The following MYO16 variants were observed in gnomAD, a reference collection of about 807,000 sequenced individuals.
MYO16 encodes myosin XVI, also known as unconventional myosin-XVI.
Under a neutral mutation model 205.3 loss-of-function variants are expected in MYO16, and 94 were observed. The ratio of observed to expected loss-of-function variants is 0.46; its 90% CI spans 0.39 to 0.54. MYO16 has a LOEUF of 0.54. Ranked by LOEUF, MYO16 falls within the 20% of genes least tolerant of loss-of-function variation. The pLI is 0.00. For synonymous variants in MYO16, 988 were observed against 954.0 expected, an observed-to-expected ratio of 1.04 and a Z score of -0.66; for missense variants, 2,315 against 2,387.5, an observed-to-expected ratio of 0.97 and a Z score of 0.63.
At chr13:109,102,217 G>C (rs1192985547) in intron 28 of MYO16, among the ~76,000 whole-genome samples, 2 of 152,098 alleles carry the variant, frequency 1.3e-5, no homozygotes, top group Non-Finnish European at 2.9e-5. Context: ...AAAAGGGAAG[G>C]AGGAAGAAGG....
intron 21 of MYO16, among the ~76,000 whole-genome samples, chr13:108,999,021 G>A (rs1416717632): frequency 6.6e-6 from 1 of 152,142 alleles, no homozygotes; most frequent in Admixed American, 6.5e-5. Flanking sequence ...GGTTCAGAGA[G>A]GTGGGTAAAT....
In MYO16 at chr13:109,207,585, A is replaced by G. The variant is rs1304552560; in HGVS notation, c.*749A>G. ...TTTCCTATGCCCTGTATTTCTGGAT[A>G]AGTGGATTGTGTACCCTTTAGTTAA... On this transcript the variant is annotated 3_prime_UTR_variant, in exon 35 of 35. Transcript: ENST00000457511. The G allele has an allele frequency of 6.6e-6, 1 of 152,196 alleles. No homozygotes were observed. The highest frequency in any genetic ancestry group is 2.4e-5 in the African/African-American group (1 of 41,450). 9.4% of individuals were successfully genotyped at this position (152,196 alleles called of 1,614,324 possible).
the MYO16 span, among the ~76,000 whole-genome samples, chr13:108,537,358 T>C: frequency 1.3e-5 from 2 of 152,176 alleles, no homozygotes; most frequent in Non-Finnish European, 2.9e-5. Flanking sequence ...TGCATAGTAT[T>C]CCATGATGTA....
In MYO16 at chr13:108,951,751, C is replaced by T. The variant is rs538109307; in HGVS notation, c.1926-5937C>T. On this transcript the variant is annotated intron_variant, in intron 16 of 34. Transcript: ENST00000457511. Reference sequence around the variant, plus strand: ...GTGAGGAAAGATATTAACTAGTCTCCTTCAGTTGCCAACTCAACCCAGCAC... The same window carrying T: ...GTGAGGAAAGATATTAACTAGTCTCTTTCAGTTGCCAACTCAACCCAGCAC... Among the ~76,000 whole-genome samples, 14 of 152,234 alleles carry T rather than the reference C, an allele frequency of 9.2e-5. No individual in the cohort carries two copies. The East Asian group carries it at 2.5e-3, about 27-fold the overall frequency.
chr13:108,869,174 T>C (rs1372535864), intron 12 of MYO16, among the ~76,000 whole-genome samples: 1 of 152,140 alleles, frequency 6.6e-6, no homozygotes, highest in Admixed American at 6.5e-5. Context: ...CCTAGGATTT[T>C]GAATTTGATT....
At chr13:108,573,584 CAAGA>C in the MYO16 span, among the ~76,000 whole-genome samples, 2 of 152,204 alleles carry the variant, frequency 1.3e-5, no homozygotes, top group South Asian at 4.1e-4. Context: ...AGATTCTGAA[CAAGA>C]AAGAAAGTAG....
At chr13:108,768,954 A>G (rs1034812134) in intron 4 of MYO16, among the ~76,000 whole-genome samples, 1 of 152,208 alleles carries the variant, frequency 6.6e-6, no homozygotes, top group Non-Finnish European at 1.5e-5. Flanking sequence ...TCCTGGAATT[A>G]AAGATGCTAA....
At position 109,070,859 on chromosome 13, in the gene MYO16, C is replaced by T. The variant is rs193040292; in HGVS notation, c.3335+15264C>T. Among the ~76,000 whole-genome samples the T allele has an allele frequency of 4.6e-5, 7 of 152,246 alleles. No individual in the cohort carries two copies. The East Asian group carries it at 1.4e-3, about 29-fold the overall frequency. ...ATGTTTAGGGATAAAAACATCAAAT[C>T]ACAGTAGACACTGTATTGGTGATCT... is the stretch of plus-strand genomic sequence containing the variant. On this transcript the variant is annotated intron_variant, in intron 27 of 34. Coordinates refer to ENST00000457511, the MANE Select transcript of MYO16 (RefSeq NM_001198950.3).
At chr13:109,110,086 A>G (rs1374935926) in intron 28 of MYO16, among the ~76,000 whole-genome samples, 2 of 152,250 alleles carry the variant, frequency 1.3e-5, no homozygotes, top group Non-Finnish European at 1.5e-5. Flanking sequence ...CTGTTTGGCC[A>G]TTTATGACAT....
intron 33 of MYO16, among the ~76,000 whole-genome samples, chr13:109,170,131 GAA>G (rs66502953): frequency 3.3e-4 from 49 of 148,170 alleles, no homozygotes; most frequent in South Asian, 1.1e-3. Flanking sequence ...AAAGAAAAAA[GAA>G]AAAAAAAAAC....
At chr13:108,559,705 C>T in the MYO16 span, among the ~76,000 whole-genome samples, 5 of 151,936 alleles carry the variant, frequency 3.3e-5, no homozygotes, top group East Asian at 5.9e-4. Flanking sequence ...CTCCTGACCT[C>T]GTGATCCGCC....
At chr13:108,590,137 T>G in the MYO16 span, among the ~76,000 whole-genome samples, 1 of 152,220 alleles carries the variant, frequency 6.6e-6, no homozygotes, top group Non-Finnish European at 1.5e-5. Context: ...ATCAAAATCC[T>G]GTTTTCTAAA....
intron 15 of MYO16, among the ~76,000 whole-genome samples, chr13:108,907,493 G>C (rs1344152892): frequency 6.6e-6 from 1 of 152,110 alleles, no homozygotes; most frequent in African/African-American, 2.4e-5. Context: ...TTTTAACTTA[G>C]AAGCCCATCA....
Position 108,793,649 on chromosome 13 carries a change from A to T in MYO16, c.741+9A>T. 1 of 1,610,740 alleles carries T rather than the reference A, an allele frequency of 6.2e-7. No homozygotes were observed. The highest frequency in any genetic ancestry group is 8.5e-7 in the Non-Finnish European group (1 of 1,177,988). The stretch of plus-strand genomic sequence containing the variant: ...ATGAAGGAGTAACCCTGGTAAGTTC[A>T]TATATTTGACTCAGAAACTATTTGA... On this transcript the variant is annotated intron_variant, in intron 6 of 34. Transcript: ENST00000457511.
the MYO16 span, among the ~76,000 whole-genome samples, chr13:108,570,056 C>G: frequency 4.6e-5 from 7 of 151,904 alleles, no homozygotes; most frequent in Non-Finnish European, 8.8e-5. Context: ...AAGATTTTTG[C>G]TTTTCTAGTC....
rs562921571 is a variant in MYO16, at chr13:109,005,915, G to T, written c.2443-2982G>T. On this transcript the variant is annotated intron_variant, in intron 21 of 34. Coordinates refer to ENST00000457511, the MANE Select transcript of MYO16 (RefSeq NM_001198950.3). ...CAAGTAACTGGATTTTTGAGAAAAT[G>T]TCCTTTTCCATCTAGGTGCATGTAA... 2.0e-5 allele frequency among the ~76,000 whole-genome samples: 3 copies of T among 152,218 alleles called. No homozygotes were observed. The East Asian group carries it at 5.8e-4, about 29-fold the overall frequency.
chr13:108,944,704 C>G (rs1882866174), intron 16 of MYO16, among the ~76,000 whole-genome samples: 1 of 152,116 alleles, frequency 6.6e-6, no homozygotes, highest in South Asian at 2.1e-4. Context: ...AATTCCATTT[C>G]AATTTATTTC....
intron 1 of MYO16, among the ~76,000 whole-genome samples, chr13:108,608,736 G>T (rs953192590): frequency 6.6e-6 from 1 of 151,894 alleles, no homozygotes; most frequent in Admixed American, 6.6e-5. Flanking sequence ...TCCGCCTCCA[G>T]GGTTAAAGTG....
intron 27 of MYO16, among the ~76,000 whole-genome samples, chr13:109,085,016 C>T (rs1006261427): frequency 3.9e-5 from 6 of 151,998 alleles, no homozygotes; most frequent in Non-Finnish European, 8.8e-5. Flanking sequence ...AAAATGAGCC[C>T]GAAAGGGGTG....
Sources: gnomAD v4.1 joint callset for allele counts (sites outside exome capture counted in the v4.1 genomes callset) on GRCh38, gnomAD v4.1.1 for gene constraint, MANE v1.5 for transcripts, NCBI Gene and HGNC (gene_info 2026-07-23, HGNC 2026-07-21) for gene names.